Variants in NAALADL2 observed in about 807,000 individuals in gnomAD.
The protein encoded by NAALADL2 is inactive N-acetylated-alpha-linked acidic dipeptidase-like protein 2.
A neutral mutation model predicts 87.2 loss-of-function variants in NAALADL2; 76 were observed. The observed-to-expected ratio is 0.87, with a 90% CI of 0.72 to 1.05. The LOEUF (loss-of-function observed/expected upper bound fraction) is 1.05, where lower values mean the gene tolerates loss of function less well. Ranked by LOEUF, NAALADL2 falls within the 50% of genes least tolerant of loss-of-function variation. NAALADL2 has a pLI of 0.00. For missense variants in NAALADL2, 1,089 were observed against 945.8 expected, an observed-to-expected ratio of 1.15 and a Z score of -1.99; for synonymous variants, 354 against 331.0, an observed-to-expected ratio of 1.07 and a Z score of -0.75.
intron 1 of NAALADL2, among the ~76,000 whole-genome samples, chr3:174,927,486 T>A (rs554386986): frequency 8.5e-5 from 13 of 152,114 alleles, no homozygotes; most frequent in African/African-American, 7.2e-5. Context: ...AATGTAAAAG[T>A]ACAGAAATTA....
At chr3:174,957,101 A>G (rs1741254754) in intron 1 of NAALADL2, among the ~76,000 whole-genome samples, 1 of 151,920 alleles carries the variant, frequency 6.6e-6, no homozygotes, top group Admixed American at 6.6e-5. Flanking sequence ...GTTCCCTGAT[A>G]GAGTCAGTTT....
intron 5 of NAALADL2, among the ~76,000 whole-genome samples, chr3:175,424,874 T>G (rs1249608293): frequency 1.3e-5 from 2 of 152,130 alleles, no homozygotes; most frequent in Non-Finnish European, 2.9e-5. Flanking sequence ...TCACTTATGA[T>G]TTAAGAGAAA....
Position 175,477,159 on chromosome 3 carries a change from G to A in NAALADL2, c.1653+5401G>A, listed in dbSNP as rs1299527068. Reference sequence around the variant, plus strand: ...TTGCTGAGAAACAAACAGCAGATAGGTTACCAAATCCAGAATCCTATAAAT... The same window carrying A: ...TTGCTGAGAAACAAACAGCAGATAGATTACCAAATCCAGAATCCTATAAAT... On this transcript the variant is annotated intron_variant, in intron 9 of 13. Coordinates refer to ENST00000454872, the MANE Select transcript of NAALADL2 (RefSeq NM_207015.3). Among the ~76,000 whole-genome samples the A allele has an allele frequency of 2.0e-5, 3 of 152,184 alleles. No individual in the cohort carries two copies. The East Asian group carries it at 5.8e-4, about 29-fold the overall frequency.
chr3:174,851,577 A>T (rs1481209087), intron 3 of NAALADL2, among the ~76,000 whole-genome samples: 1 of 152,018 alleles, frequency 6.6e-6, no homozygotes, highest in East Asian at 1.9e-4. Context: ...GAATAACTTT[A>T]TATCTGGAAC....
chr3:175,567,864 T>C (rs577736509), intron 9 of NAALADL2, among the ~76,000 whole-genome samples: 1 of 152,020 alleles, frequency 6.6e-6, no homozygotes, highest in East Asian at 1.9e-4. Context: ...TACAGGCGTG[T>C]GTCATAACAC....
intron 11 of NAALADL2, among the ~76,000 whole-genome samples, chr3:175,662,094 AT>A (rs1280247604): frequency 6.6e-6 from 1 of 151,838 alleles, no homozygotes; most frequent in Non-Finnish European, 1.5e-5. Flanking sequence ...CATTGTAATG[AT>A]TTTAATTTTC....
At chr3:175,657,634 G>A (rs1731656720) in intron 11 of NAALADL2, among the ~76,000 whole-genome samples, 1 of 150,654 alleles carries the variant, frequency 6.6e-6, no homozygotes, top group African/African-American at 2.4e-5. Context: ...AGGCTGGAGT[G>A]CAGTGGCACG....
At chr3:174,867,655 C>T (rs914463452) in intron 1 of NAALADL2, among the ~76,000 whole-genome samples, 1 of 152,036 alleles carries the variant, frequency 6.6e-6, no homozygotes, top group Admixed American at 6.6e-5. Flanking sequence ...ATGCAATTTA[C>T]ATTTATTCTA....
At chr3:175,173,093 T>A (rs1333135227) in intron 2 of NAALADL2, among the ~76,000 whole-genome samples, 3 of 151,618 alleles carry the variant, frequency 2.0e-5, no homozygotes, top group Non-Finnish European at 4.4e-5. Context: ...GAGTTCAGGA[T>A]AAGCCTGGGC....
chr3:175,628,835 T>G (rs1727368070), intron 11 of NAALADL2, among the ~76,000 whole-genome samples: 1 of 150,486 alleles, frequency 6.6e-6, no homozygotes, highest in African/African-American at 2.4e-5. Flanking sequence ...GTGTCTGTCT[T>G]TGACCCTGAA....
intron 4 of NAALADL2, among the ~76,000 whole-genome samples, chr3:175,310,790 A>T (rs1447870541): frequency 6.6e-6 from 1 of 152,048 alleles, no homozygotes; most frequent in African/African-American, 2.4e-5. Flanking sequence ...TTACATATAT[A>T]AGCACTAAAA....
At chr3:175,545,164 A>C (rs993637659) in intron 9 of NAALADL2, among the ~76,000 whole-genome samples, 4 of 152,208 alleles carry the variant, frequency 2.6e-5, no homozygotes, top group African/African-American at 9.6e-5. Flanking sequence ...CAGAGGTCTT[A>C]CATGACTTAT....
At chr3:175,468,534 A>G (rs1410179621) in intron 8 of NAALADL2, among the ~76,000 whole-genome samples, 8 of 152,080 alleles carry the variant, frequency 5.3e-5, no homozygotes, top group African/African-American at 1.2e-4. Flanking sequence ...GTTTTCCTGT[A>G]ACAGTAAAGC....
chr3:175,661,963 C>T (rs990267539), intron 11 of NAALADL2, among the ~76,000 whole-genome samples: 38 of 151,998 alleles, frequency 2.5e-4, no homozygotes, highest in Middle Eastern at 3.4e-3. Context: ...CCCAGGGTTG[C>T]TTTGGCTATT....
chr3:175,529,442 G>C (rs1733822174), intron 9 of NAALADL2, among the ~76,000 whole-genome samples: 2 of 152,186 alleles, frequency 1.3e-5, no homozygotes, highest in Admixed American at 1.3e-4. Flanking sequence ...GTGATGGTGA[G>C]TGGTGCCACT....
chr3:174,905,540 G>A (rs1327724344), intron 1 of NAALADL2, among the ~76,000 whole-genome samples: 2 of 151,998 alleles, frequency 1.3e-5, no homozygotes, highest in Non-Finnish European at 2.9e-5. Flanking sequence ...GAAACTATAA[G>A]CATTAGGGCA....
At chr3:174,864,562 T>C (rs1199104072) in intron 1 of NAALADL2, among the ~76,000 whole-genome samples, 1 of 152,104 alleles carries the variant, frequency 6.6e-6, no homozygotes, top group Non-Finnish European at 1.5e-5. Flanking sequence ...GAAAAGGTGA[T>C]ACATAACTAC....
At chr3:174,665,411 G>C (rs1725871897) in intron 2 of NAALADL2, among the ~76,000 whole-genome samples, 1 of 152,120 alleles carries the variant, frequency 6.6e-6, no homozygotes, top group Non-Finnish European at 1.5e-5. Flanking sequence ...TGCAACCTCA[G>C]CTCTAATGTT....
At position 175,765,376 on chromosome 3, in the gene NAALADL2, C is replaced by A. The variant is rs558712014; in HGVS notation, c.2189+9958C>A. The stretch of plus-strand genomic sequence containing the variant: ...AAAAGCCCCCAAATTTTAAGAAAAA[C>A]CAGATTAATATGCCAAAATTCAAGC... On this transcript the variant is annotated intron_variant, in intron 13 of 13. Transcript: ENST00000454872. 7.9e-5 allele frequency among the ~76,000 whole-genome samples: 12 copies of A among 152,102 alleles called. No individual in the cohort carries two copies. In the South Asian group the frequency reaches 2.1e-3, roughly 26 times the overall value.
Sources: allele counts gnomAD v4.1 joint callset (sites outside exome capture counted in the v4.1 genomes callset), GRCh38; gene constraint gnomAD v4.1.1; transcripts MANE v1.5; gene names NCBI Gene and HGNC (gene_info 2026-07-23, HGNC 2026-07-21).